Variants in CDK8 observed in about 807,000 individuals in gnomAD.
CDK8 encodes the protein cyclin-dependent kinase 8.
A neutral mutation model predicts 71.5 loss-of-function variants in CDK8; 29 were observed. That is an observed-to-expected ratio of 0.41 (90% CI 0.30 to 0.55). The LOEUF is 0.55. Among genes scored for constraint, CDK8 ranks in the 20% least tolerant of loss-of-function variants. The probability of loss-of-function intolerance (pLI) is 0.37; values close to 1 mark genes in which losing one functional copy is unlikely to be tolerated. For synonymous variants in CDK8, 161 were observed against 192.1 expected (o/e 0.84, Z 1.34); for missense variants, 288 against 572.6 (o/e 0.50, Z 5.07).
Position 26,271,806 on chromosome 13 carries a change from C to CTTTTTTTTTTTTTTTTTT in CDK8, c.128+17056_128+17073dup, listed in dbSNP as rs58160694. 3.2e-5 allele frequency among the ~76,000 whole-genome samples: 2 copies of CTTTTTTTTTTTTTTTTTT among 62,684 alleles called. 1 individual carries two copies. Among genetic ancestry groups the CTTTTTTTTTTTTTTTTTT allele is most frequent in the African/African-American group, 1.7e-4 (2 of 11,532 alleles). 41.1% of individuals were successfully genotyped at this position (62,684 alleles called of 152,430 possible). A position where few individuals can be genotyped will look rare whatever the true frequency, so the allele number is the denominator to read the frequency against. ...CCTGGGGGACAGAGTGAGACCCTGT[C>CTTTTTTTTTTTTTTTTTT]TTTTTTTTTTTTTTTTTTTTTTTTT... On this transcript the variant is annotated intron_variant, in intron 1 of 12. Transcript: ENST00000381527.
chr13:26,280,732 T>G (rs563122422), intron 1 of CDK8, among the ~76,000 whole-genome samples: 3 of 152,354 alleles, frequency 2.0e-5, no homozygotes, highest in Admixed American at 1.3e-4. Context: ...TATACACAGC[T>G]TTCTTCCTCC....
chr13:26,336,775 C>T (rs1286826119), intron 1 of CDK8, among the ~76,000 whole-genome samples: 1 of 152,008 alleles, frequency 6.6e-6, no homozygotes, highest in Non-Finnish European at 1.5e-5. Flanking sequence ...AGGATGGTCT[C>T]GATCTCCTGA....
chr13:26,304,088 A>G (rs1225693578), intron 1 of CDK8, among the ~76,000 whole-genome samples: 1 of 151,648 alleles, frequency 6.6e-6, no homozygotes, highest in Admixed American at 6.6e-5. Context: ...CGATGGTGAA[A>G]CCCCATCTCT....
At chr13:26,277,812 G>A (rs115188441) in intron 1 of CDK8, among the ~76,000 whole-genome samples, 2,089 of 152,204 alleles carry the variant, frequency 0.014, 54 homozygotes, top group African/African-American at 0.047. Flanking sequence ...TGATAGATTC[G>A]TATTTAGTTA....
At chr13:26,369,213 C>T (rs1425153921) in intron 4 of CDK8, among the ~76,000 whole-genome samples, 2 of 151,194 alleles carry the variant, frequency 1.3e-5, no homozygotes, top group African/African-American at 2.4e-5. Context: ...GGGAGGATTG[C>T]TTGGAAGGAT....
intron 2 of CDK8, among the ~76,000 whole-genome samples, chr13:26,341,015 A>G (rs752149317): frequency 2.4e-4 from 37 of 152,210 alleles, no homozygotes; most frequent in Non-Finnish European, 5.1e-4. Flanking sequence ...CAAACTGCAC[A>G]TGGGTGAATC....
chr13:26,393,337 TTTC>T, intron 6 of CDK8, 27 bp from the exon 7 acceptor site: 1 of 1,429,050 alleles, frequency 7.0e-7, no homozygotes, highest in Non-Finnish European at 9.5e-7. Context: ...CCTATTTTTC[TTTC>T]TTTTTTTTTT....
intron 1 of CDK8, among the ~76,000 whole-genome samples, chr13:26,263,263 G>A (rs1299201784): frequency 1.3e-5 from 2 of 152,066 alleles, no homozygotes; most frequent in African/African-American, 2.4e-5. Context: ...AGCCTCCCGA[G>A]TAGCTGGGAC....
In CDK8 at chr13:26,352,806, A is replaced by G. The variant is rs188836044; in HGVS notation, c.316-934A>G. ...ATTCATTAATCATTAGTTATTCCTT[A>G]CTTGTGTCATATTCTGTATATCATA... On this transcript the variant is annotated intron_variant, in intron 3 of 12. Coordinates refer to ENST00000381527, the MANE Select transcript of CDK8 (RefSeq NM_001260.3). 4.0e-3 allele frequency among the ~76,000 whole-genome samples: 613 copies of G among 152,322 alleles called. 1 individual carries two copies. Among genetic ancestry groups the G allele is most frequent in the Non-Finnish European group, 5.6e-3 (380 of 68,024 alleles).
At chr13:26,333,838 A>G (rs920073058) in intron 1 of CDK8, among the ~76,000 whole-genome samples, 1 of 152,162 alleles carries the variant, frequency 6.6e-6, no homozygotes, top group African/African-American at 2.4e-5. Flanking sequence ...TCTGTATTGT[A>G]ACCATTCATT....
intron 1 of CDK8, among the ~76,000 whole-genome samples, chr13:26,315,248 A>G (rs904162288): frequency 3.3e-5 from 5 of 152,224 alleles, no homozygotes; most frequent in Non-Finnish European, 5.9e-5. Flanking sequence ...AGATATGTGA[A>G]TGATACAAAT....
intron 1 of CDK8, among the ~76,000 whole-genome samples, chr13:26,334,637 G>T (rs1440344102): frequency 6.6e-6 from 1 of 152,022 alleles, no homozygotes; most frequent in Non-Finnish European, 1.5e-5. Flanking sequence ...CTTTTCCCAA[G>T]TAAGGATTTG....
chr13:26,330,179 C>T (rs906908756), intron 1 of CDK8, among the ~76,000 whole-genome samples: 1 of 152,096 alleles, frequency 6.6e-6, no homozygotes, highest in African/African-American at 2.4e-5. Flanking sequence ...GTAGTCATCC[C>T]ACTCTGCTGT....
intron 1 of CDK8, among the ~76,000 whole-genome samples, chr13:26,334,501 G>T (rs985616567): frequency 3.9e-5 from 6 of 151,942 alleles, no homozygotes; most frequent in Non-Finnish European, 5.9e-5. Flanking sequence ...TGAATATTAA[G>T]TACAGATCCT....
intron 1 of CDK8, among the ~76,000 whole-genome samples, chr13:26,311,042 CTTTTTT>C (rs59128256): frequency 1.3e-4 from 18 of 136,054 alleles, no homozygotes; most frequent in Admixed American, 1.5e-4. Flanking sequence ...GCACCAATCT[CTTTTTT>C]TTTTTTTTTT....
At chr13:26,311,493 C>A (rs921719366) in intron 1 of CDK8, among the ~76,000 whole-genome samples, 1 of 152,234 alleles carries the variant, frequency 6.6e-6, no homozygotes, top group African/African-American at 2.4e-5. Flanking sequence ...GTCATGATTT[C>A]AGGCAACTTC....
At chr13:26,288,820 C>T (rs1158092007) in intron 1 of CDK8, among the ~76,000 whole-genome samples, 2 of 151,806 alleles carry the variant, frequency 1.3e-5, no homozygotes, top group East Asian at 1.9e-4. Flanking sequence ...AGTGCAGTGG[C>T]GTGATCTCGG....
At chr13:26,281,656 G>A (rs765135607) in intron 1 of CDK8, among the ~76,000 whole-genome samples, 23 of 103,408 alleles carry the variant, frequency 2.2e-4, no homozygotes, top group African/African-American at 4.0e-4. Flanking sequence ...TCTGAATTGC[G>A]AAATAAATAA....
intron 1 of CDK8, among the ~76,000 whole-genome samples, chr13:26,331,446 A>C (rs555185002): frequency 2.0e-5 from 3 of 152,260 alleles, no homozygotes; most frequent in Non-Finnish European, 4.4e-5. Flanking sequence ...TTTGTGTAAT[A>C]AAGTCTCATT....
Sources: allele counts gnomAD v4.1 joint callset (sites outside exome capture counted in the v4.1 genomes callset), GRCh38; gene constraint gnomAD v4.1.1; transcripts MANE v1.5; gene names NCBI Gene and HGNC (gene_info 2026-07-23, HGNC 2026-07-21).